The following BMX variants were observed in gnomAD, a reference collection of about 807,000 sequenced individuals.
BMX encodes cytoplasmic tyrosine-protein kinase BMX.
In BMX, 31 loss-of-function variants were observed where a neutral mutation model predicts 59.2. The observed-to-expected ratio is 0.52, with a 90% CI of 0.39 to 0.71. The LOEUF (loss-of-function observed/expected upper bound fraction) is 0.71, where lower values mean the gene tolerates loss of function less well. BMX is among the 30% of genes least tolerant of loss of function. The pLI is 0.00. For synonymous variants in BMX, 185 were observed against 181.0 expected (o/e 1.02, Z -0.18); for missense variants, 474 against 491.7 (o/e 0.96, Z 0.34).
intron 9 of BMX, among the ~76,000 whole-genome samples, chrX:15,527,347 T>C (rs1202938030): frequency 9.9e-6 from 1 of 101,221 alleles, no homozygotes; most frequent in Non-Finnish European, 2.0e-5. Context: ...AAATAAAAAT[T>C]ACACCTGGAC....
At chrX:15,543,242 G>A (rs186274384) in intron 16 of BMX, 107 bp downstream of exon 16, 11 of 751,731 alleles carry the variant, frequency 1.5e-5, no homozygotes, top group African/African-American at 1.1e-4. Flanking sequence ...CTCTGAATTG[G>A]GGGCTTAGAA....
At position 15,530,127 on chromosome X, in the gene BMX, T is replaced by C. The variant is rs1924995458; in HGVS notation, c.939+100T>C. On this transcript the variant is annotated intron_variant, in intron 10 of 18. Transcript: ENST00000348343. ...CATAGAAACCTTCCTGCTAATTATA[T>C]AGTCAAGTCATTGTAGTGTTGCTTG... 37 of 821,493 alleles carry C rather than the reference T, an allele frequency of 4.5e-5. No homozygotes were observed. In the South Asian group the frequency reaches 9.3e-4, roughly 21 times the overall value. The allele number at this position is 821,493 out of a possible 1,213,427, so 67.7% of individuals were successfully genotyped here. A position where few individuals can be genotyped will look rare whatever the true frequency, so the allele number is the denominator to read the frequency against.
chrX:15,554,081 C>T (rs1271481248), intron 18 of BMX, among the ~76,000 whole-genome samples: 1 of 112,414 alleles, frequency 8.9e-6, no homozygotes, highest in African/African-American at 3.2e-5. Context: ...TCACAATTTT[C>T]ATTAGATTTT....
intron 2 of BMX, 35 bp from the exon 3 acceptor site, chrX:15,509,294 G>T (rs1923856512): frequency 9.0e-7 from 1 of 1,112,478 alleles, no homozygotes; most frequent in South Asian, 1.9e-5. Context: ...ATGATGTATT[G>T]CAGGAAGTAT....
At chrX:15,510,068 A>G (rs1302789002) in intron 3 of BMX, among the ~76,000 whole-genome samples, 1 of 111,870 alleles carries the variant, frequency 8.9e-6, no homozygotes, top group Admixed American at 9.5e-5. Context: ...AGTAGTCCCT[A>G]TGAATAAAGA....
chrX:15,514,635 G>C (rs1924079196), intron 4 of BMX, among the ~76,000 whole-genome samples: 1 of 111,907 alleles, frequency 8.9e-6, no homozygotes. Flanking sequence ...GATCTTGTAG[G>C]TTTCTCTGTT....
intron 12 of BMX, among the ~76,000 whole-genome samples, chrX:15,536,016 G>T (rs1025210944): frequency 8.0e-5 from 9 of 111,912 alleles, no homozygotes; most frequent in African/African-American, 2.6e-4. Context: ...TTTGTCAAAT[G>T]TATGTGCTGT....
chrX:15,532,475 A>C (rs755395970), intron 11 of BMX, among the ~76,000 whole-genome samples: 1 of 111,873 alleles, frequency 8.9e-6, no homozygotes, highest in East Asian at 2.8e-4. Flanking sequence ...CCAATAGCCA[A>C]GTCATGTTTC....
At chrX:15,527,973 G>A (rs975102338) in intron 9 of BMX, among the ~76,000 whole-genome samples, 5 of 112,653 alleles carry the variant, frequency 4.4e-5, no homozygotes, top group Non-Finnish European at 9.4e-5. Context: ...AAACCAATGG[G>A]AGTGAACCTC....
At chrX:15,549,104 G>A (rs953808479) in intron 17 of BMX, among the ~76,000 whole-genome samples, 5 of 111,458 alleles carry the variant, frequency 4.5e-5, no homozygotes, top group African/African-American at 1.6e-4. Context: ...CAAAGGCCAT[G>A]TCTAACTGAT....
intron 18 of BMX, among the ~76,000 whole-genome samples, chrX:15,553,396 G>A (rs1926286336): frequency 9.0e-6 from 1 of 111,368 alleles, no homozygotes; most frequent in Non-Finnish European, 1.9e-5. Flanking sequence ...CTGCTGTTTC[G>A]CTATTTGTCC....
chrX:15,553,772 A>G (rs1926303540), intron 18 of BMX, among the ~76,000 whole-genome samples: 1 of 111,713 alleles, frequency 9.0e-6, no homozygotes, highest in South Asian at 3.8e-4. Flanking sequence ...AGAGCAGACA[A>G]GGGTTTTTCA....
At chrX:15,523,118 T>C (rs1472004597) in intron 7 of BMX, among the ~76,000 whole-genome samples, 6 of 112,406 alleles carry the variant, frequency 5.3e-5, no homozygotes, top group African/African-American at 1.9e-4. Flanking sequence ...TGTATGTATG[T>C]ATCTCTTGGT....
chrX:15,517,980 T>A lies in BMX; in HGVS notation c.497T>A (p.Phe166Tyr). Residue 166 changes from phenylalanine (F) to tyrosine (Y), a missense_variant, in exon 6 of 19, where the codon TTC becomes TAC. Physicochemically the swap from Phe to Tyr is conservative, Grantham distance 22 (BLOSUM62 3). Transcript: ENST00000348343. ...GAAGAGAAACACAGAGTTCCCACCT[T>A]CCCAGACAGAGTGGTAAGTCAACAT... is the stretch of plus-strand genomic sequence containing the variant. Reference protein sequence around the residue: ...VNEEKHRVPTFPDRVLKIPRA... With the variant: ...VNEEKHRVPTYPDRVLKIPRA... The A allele has an allele frequency of 1.7e-6, 2 of 1,206,148 alleles. No homozygotes were observed. Among genetic ancestry groups the A allele is most frequent in the Non-Finnish European group, 2.2e-6 (2 of 891,813 alleles).
rs1264319329 is a variant in BMX, at chrX:15,508,375, G to A, written c.22G>A (p.Glu8Lys). 1 of 1,137,568 alleles carries A rather than the reference G, an allele frequency of 8.8e-7. No homozygotes were observed. The highest frequency in any genetic ancestry group is 1.8e-5 in the African/African-American group (1 of 55,111). The allele number at this position is 1,137,568 out of a possible 1,213,427, so 93.7% of individuals were successfully genotyped here. A position where few individuals can be genotyped will look rare whatever the true frequency, so the allele number is the denominator to read the frequency against. Residue 8 changes from glutamate to lysine, a missense_variant, in exon 2 of 19, where the codon GAA becomes AAA. By Grantham distance (56) the Glu-to-Lys change is moderately conservative. Coordinates refer to ENST00000348343, the MANE Select transcript of BMX (RefSeq NM_203281.3). Reference protein sequence around the residue: MDTKSILEELLLKRSQQK... With the variant: MDTKSILKELLLKRSQQK... ...TAATATGGATACAAAATCTATTCTA[G>A]AAGAACTTCTTCTCAAAAGATCACA...
intron 18 of BMX, among the ~76,000 whole-genome samples, chrX:15,553,445 G>A (rs746320395): frequency 1.8e-5 from 2 of 111,601 alleles, no homozygotes; most frequent in African/African-American, 6.5e-5. Flanking sequence ...CTGTTGGAAG[G>A]GATTCTGTTT....
intron 17 of BMX, among the ~76,000 whole-genome samples, chrX:15,548,660 C>T (rs939934061): frequency 3.6e-5 from 4 of 111,336 alleles, no homozygotes; most frequent in Non-Finnish European, 5.7e-5. Flanking sequence ...CAATATATCC[C>T]AGTGAGGATA....
chrX:15,533,969 G>A (rs1488304931), intron 11 of BMX, among the ~76,000 whole-genome samples: 1 of 111,484 alleles, frequency 9.0e-6, no homozygotes, highest in African/African-American at 3.3e-5. Flanking sequence ...GAATTTTACT[G>A]TACATGAAAT....
At chrX:15,537,830 T>G (rs1925444466) in intron 14 of BMX, among the ~76,000 whole-genome samples, 1 of 110,745 alleles carries the variant, frequency 9.0e-6, no homozygotes, top group South Asian at 3.9e-4. Context: ...TATGGTTGGG[T>G]GATTTCAGAG....
Sources: gnomAD v4.1 joint callset for allele counts (sites outside exome capture counted in the v4.1 genomes callset) on GRCh38, gnomAD v4.1.1 for gene constraint, MANE v1.5 for transcripts, NCBI Gene and HGNC (gene_info 2026-07-23, HGNC 2026-07-21) for gene names.